DRG1: variants seen among roughly 807,000 people sequenced by gnomAD.
DRG1 encodes the protein developmentally-regulated GTP-binding protein 1.
A neutral mutation model predicts 38.8 loss-of-function variants in DRG1; 19 were observed. The ratio of observed to expected loss-of-function variants is 0.49; its 90% CI spans 0.34 to 0.72. The LOEUF (loss-of-function observed/expected upper bound fraction) is 0.72. Ranked by LOEUF, DRG1 falls within the 30% of genes least tolerant of loss-of-function variation. The pLI, the probability that DRG1 is intolerant of heterozygous loss-of-function variation, is 0.01. For synonymous variants in DRG1, 167 were observed against 157.5 expected (o/e 1.06, Z -0.45); for missense variants, 299 against 444.8 (o/e 0.67, Z 2.95).
Position 31,423,597 on chromosome 22 carries a change from G to C in DRG1, c.713+187G>C, listed in dbSNP as rs530259206. On this transcript the variant is annotated intron_variant, in intron 6 of 8. Transcript: ENST00000331457. ...GCTAGAGTGCAGTGGCGTGATCTCA[G>C]CTCACTGCAAGCTCCACCTCCCAGG... 2.8e-5 allele frequency among the ~76,000 whole-genome samples: 4 copies of C among 144,772 alleles called. No homozygotes were observed. The East Asian group carries it at 8.7e-4, about 31-fold the overall frequency. The allele number at this position is 144,772 out of a possible 152,430, so 95.0% of individuals were successfully genotyped here.
chr22:31,411,438 G>T (rs1009926806), intron 4 of DRG1, among the ~76,000 whole-genome samples: 14 of 151,938 alleles, frequency 9.2e-5, no homozygotes, highest in African/African-American at 3.4e-4. Flanking sequence ...CCTAGAGGCA[G>T]TGTCTACTTT....
At chr22:31,433,621 G>C (rs2050154539) in intron 8 of DRG1, among the ~76,000 whole-genome samples, 1 of 152,042 alleles carries the variant, frequency 6.6e-6, no homozygotes, top group South Asian at 2.1e-4. Flanking sequence ...TTTAAACTAG[G>C]CTCTTTATAC....
intron 4 of DRG1, among the ~76,000 whole-genome samples, chr22:31,417,030 C>G (rs1005299440): frequency 2.0e-5 from 3 of 150,756 alleles, no homozygotes; most frequent in African/African-American, 4.9e-5. Flanking sequence ...TGCCACTGCA[C>G]TGCAGCCTGG....
chr22:31,410,325 T>A (rs1005291765), intron 3 of DRG1, among the ~76,000 whole-genome samples: 1 of 147,414 alleles, frequency 6.8e-6, no homozygotes, highest in Non-Finnish European at 1.5e-5. Flanking sequence ...CGTGGTGGCG[T>A]GCACCTGTAG....
intron 4 of DRG1, among the ~76,000 whole-genome samples, chr22:31,413,864 T>G (rs1202549721): frequency 6.6e-6 from 1 of 152,160 alleles, no homozygotes; most frequent in African/African-American, 2.4e-5. Flanking sequence ...TCCACCCACC[T>G]TGGCCTCCCA....
chr22:31,428,325 C>A (rs1463822858), intron 8 of DRG1, among the ~76,000 whole-genome samples: 2 of 152,088 alleles, frequency 1.3e-5, no homozygotes, highest in East Asian at 3.9e-4. Flanking sequence ...CATTCTCCTG[C>A]CTCAGCCTCC....
At chr22:31,415,838 G>T (rs188368196) in intron 4 of DRG1, among the ~76,000 whole-genome samples, 1 of 152,026 alleles carries the variant, frequency 6.6e-6, no homozygotes, top group Non-Finnish European at 1.5e-5. Flanking sequence ...CTGTATAATG[G>T]GTCACTTTCC....
intron 3 of DRG1, among the ~76,000 whole-genome samples, chr22:31,403,642 C>T (rs552584556): frequency 1.6e-4 from 24 of 152,086 alleles, no homozygotes; most frequent in African/African-American, 4.3e-4. Context: ...ACCACCATGC[C>T]GGGCTAATTT....
At chr22:31,408,352 C>T (rs1569046090) in intron 3 of DRG1, among the ~76,000 whole-genome samples, 1 of 149,060 alleles carries the variant, frequency 6.7e-6, no homozygotes, top group Non-Finnish European at 1.5e-5. Context: ...CCATGTTGGC[C>T]AAGCTGGTCT....
chr22:31,403,592 C>A lies in DRG1; in HGVS notation c.342+388C>A, dbSNP rs77935103. On this transcript the variant is annotated intron_variant, in intron 3 of 8. Transcript: ENST00000331457. The stretch of plus-strand genomic sequence containing the variant: ...TGAGGCTGGAGAATCGCTTGAACTA[C>A]TTTTTCACCTGAGGGTGGGGGCTGG... Among the ~76,000 whole-genome samples, 450 of 152,242 alleles carry A rather than the reference C, an allele frequency of 3.0e-3. 2 individuals are homozygous for A. Among genetic ancestry groups the A allele is most frequent in the African/African-American group, 0.011 (438 of 41,558 alleles).
intron 8 of DRG1, among the ~76,000 whole-genome samples, chr22:31,428,258 C>T (rs2050121603): frequency 1.3e-5 from 2 of 151,766 alleles, no homozygotes; most frequent in Non-Finnish European, 2.9e-5. Context: ...GTCGCCCAGG[C>T]TGGAGTGCAG....
At chr22:31,432,443 T>G (rs1404765527) in intron 8 of DRG1, among the ~76,000 whole-genome samples, 1 of 150,426 alleles carries the variant, frequency 6.6e-6, no homozygotes, top group African/African-American at 2.4e-5. Context: ...TTTTTTTTTT[T>G]GAGACTGAGA....
intron 8 of DRG1, among the ~76,000 whole-genome samples, chr22:31,432,457 A>C: frequency 7.3e-6 from 1 of 136,822 alleles, no homozygotes. Flanking sequence ...ACTGAGAGAG[A>C]CTCAGTCGCC....
chr22:31,408,851 C>T (rs1028946843), intron 3 of DRG1, among the ~76,000 whole-genome samples: 3 of 150,536 alleles, frequency 2.0e-5, no homozygotes, highest in African/African-American at 7.3e-5. Context: ...ATTTGCCATA[C>T]AGTAGACCCT....
chr22:31,423,157 C>T (rs1343651770), intron 5 of DRG1, 123 bp from the exon 6 acceptor site: 12 of 1,228,412 alleles, frequency 9.8e-6, no homozygotes, highest in Admixed American at 2.1e-5. Flanking sequence ...ACACTCATCC[C>T]GGATGTATTT....
At position 31,399,616 on chromosome 22, in the gene DRG1, TGGC is replaced by T; in HGVS notation, c.-65_-63del. 1.2e-6 allele frequency: 2 copies of T among 1,607,856 alleles called. No individual in the cohort carries two copies. Among genetic ancestry groups the T allele is most frequent in the South Asian group, 2.2e-5 (2 of 90,978 alleles). On this transcript the variant is annotated 5_prime_UTR_variant, in exon 1 of 9. Transcript: ENST00000331457. Reference sequence around the variant, plus strand: ...GCCTGCGTGCTGCAGTAGCGCCTGGTGGCGGTGGCAGTTTGCCCGCGGGTGTGT... The same window carrying T: ...GCCTGCGTGCTGCAGTAGCGCCTGGTGGTGGCAGTTTGCCCGCGGGTGTGT...
chr22:31,410,889 G>A (rs2050014796), intron 3 of DRG1, 123 bp from the exon 4 acceptor site: 1 of 939,458 alleles, frequency 1.1e-6, no homozygotes, highest in Non-Finnish European at 1.6e-6. Context: ...TCGCTTATAA[G>A]GAAGATTGGA....
chr22:31,421,475 T>C (rs1041277209), intron 5 of DRG1: 3 of 151,604 alleles, frequency 2.0e-5, no homozygotes, highest in African/African-American at 7.3e-5. Context: ...ACTAAAATGG[T>C]AGGACTTTTG....
intron 4 of DRG1, among the ~76,000 whole-genome samples, chr22:31,415,352 T>C (rs1045417879): frequency 1.3e-5 from 2 of 152,240 alleles, no homozygotes; most frequent in South Asian, 2.1e-4. Flanking sequence ...CAGAAACTTT[T>C]ATTGGATACC....
Sources: gnomAD v4.1 joint callset for allele counts (sites outside exome capture counted in the v4.1 genomes callset) on GRCh38, gnomAD v4.1.1 for gene constraint, MANE v1.5 for transcripts, NCBI Gene and HGNC (gene_info 2026-07-23, HGNC 2026-07-21) for gene names.